Variants in HIVEP1 observed in about 807,000 individuals in gnomAD.
HIVEP1 encodes zinc finger protein 40.
In HIVEP1, 36 loss-of-function variants were observed where a neutral mutation model predicts 180.0. The observed-to-expected ratio is 0.20, with a 90% CI of 0.15 to 0.26. The LOEUF (loss-of-function observed/expected upper bound fraction) is 0.26, where lower values mean the gene tolerates loss of function less well. Ranked by LOEUF, HIVEP1 falls within the 10% of genes least tolerant of loss-of-function variation. The pLI is 1.00. For missense variants in HIVEP1, 3,143 were observed against 3,268.7 expected, an observed-to-expected ratio of 0.96 and a Z score of 0.94; for synonymous variants, 1,239 against 1,239.0, an observed-to-expected ratio of 1.00 and a Z score of 0.00.
At chr6:12,179,676 G>GAGTATCACTTACAAGTAAC in the HIVEP1 span, among the ~76,000 whole-genome samples, 1 of 152,284 alleles carries the variant, frequency 6.6e-6, no homozygotes, top group South Asian at 2.1e-4. Context: ...CCATGAAGGT[G>GAGTATCACTTACAAGTAAC]AGTATCACTT....
chr6:12,198,618 A>G, the HIVEP1 span, among the ~76,000 whole-genome samples: 1 of 152,212 alleles, frequency 6.6e-6, no homozygotes, highest in Non-Finnish European at 1.5e-5. Flanking sequence ...GACAGGTGCT[A>G]CAGGGGAAAA....
chr6:12,167,674 A>G (rs925063232), downstream of HIVEP1, among the ~76,000 whole-genome samples: 10 of 23,206 alleles, frequency 4.3e-4, no homozygotes, highest in Admixed American at 9.2e-4. Flanking sequence ...ACATATATAC[A>G]TATATGTGTA....
At chr6:12,145,015 A>G (rs908563855) in intron 7 of HIVEP1, among the ~76,000 whole-genome samples, 1 of 152,222 alleles carries the variant, frequency 6.6e-6, no homozygotes, top group Non-Finnish European at 1.5e-5. Context: ...CCATCCCATT[A>G]CTGGGTATAT....
chr6:12,011,319 C>T (rs1415880053), upstream of HIVEP1, among the ~76,000 whole-genome samples: 2 of 105,654 alleles, frequency 1.9e-5, no homozygotes, highest in Non-Finnish European at 3.5e-5. Context: ...GGGCGAGGGG[C>T]GGGGCCGGGA....
At chr6:12,208,352 C>T in the HIVEP1 span, among the ~76,000 whole-genome samples, 1 of 152,114 alleles carries the variant, frequency 6.6e-6, no homozygotes, top group African/African-American at 2.4e-5. Flanking sequence ...TTGATGACAG[C>T]AGTCAGGAAG....
Position 12,163,646 on chromosome 6 carries a change from G to A in HIVEP1, c.7342G>A (p.Val2448Met), listed in dbSNP as rs1226497820. Residue 2448 changes from valine (V) to methionine (M), a missense_variant, in exon 9 of 9, where the codon GTG becomes ATG. Transcript: ENST00000379388. ...TACTCATAGGAATACGGTCACAGAA[G>A]TGTCTGGCACTACAAACCCTGCTGG... The part of the protein sequence containing the change: ...LGTHRNTVTE[V>M]SGTTNPAGVA... The A allele has an allele frequency of 1.2e-6, 2 of 1,614,180 alleles. No homozygotes were observed. The highest frequency in any genetic ancestry group is 1.7e-6 in the Non-Finnish European group (2 of 1,180,034).
chr6:12,180,470 T>TA, the HIVEP1 span, among the ~76,000 whole-genome samples: 23 of 152,368 alleles, frequency 1.5e-4, no homozygotes, highest in South Asian at 4.8e-3. Context: ...AATGTATCTG[T>TA]TTATACTAAG....
the HIVEP1 span, among the ~76,000 whole-genome samples, chr6:12,184,059 A>T: frequency 0.075 from 11,193 of 149,298 alleles, 1,444 homozygotes; most frequent in African/African-American, 0.26. Flanking sequence ...ACAGACAGAC[A>T]GACTGATTTG....
chr6:12,071,527 T>C (rs1376794993), intron 2 of HIVEP1, among the ~76,000 whole-genome samples: 12 of 152,230 alleles, frequency 7.9e-5, no homozygotes, highest in Admixed American at 7.2e-4. Flanking sequence ...CCTCACAGTT[T>C]GCCAGTATTC....
At chr6:12,025,184 G>A (rs759246038) in intron 2 of HIVEP1, among the ~76,000 whole-genome samples, 1 of 152,152 alleles carries the variant, frequency 6.6e-6, no homozygotes, top group East Asian at 1.9e-4. Flanking sequence ...GCTTATACTT[G>A]CTGATGTTGA....
chr6:12,163,745 A>C lies in HIVEP1; in HGVS notation c.7441A>C (p.Ser2481Arg). The C allele has an allele frequency of 6.2e-7, 1 of 1,614,098 alleles. No homozygotes were observed. Among genetic ancestry groups the C allele is most frequent in the Non-Finnish European group, 8.5e-7 (1 of 1,180,012 alleles). Residue 2481 changes from serine (S) to arginine (R), a missense_variant, in exon 9 of 9, where the codon AGT (serine) becomes CGT (arginine). Coordinates refer to ENST00000379388, the MANE Select transcript of HIVEP1 (RefSeq NM_002114.4). The stretch of plus-strand genomic sequence containing the variant: ...CCGCGTGCCAGGCCTTCAGAACCTA[A>C]GTACCCCAGGCTTGCAGTCACTCCC... ...QIRVPGLQNL[S>R]TPGLQSLPSL...
chr6:12,030,805 T>C (rs974810481), intron 2 of HIVEP1, among the ~76,000 whole-genome samples: 7 of 152,254 alleles, frequency 4.6e-5, no homozygotes, highest in Admixed American at 4.6e-4. Context: ...ACTCAATTTT[T>C]CCCCTGAGTA....
At chr6:12,161,412 C>A in intron 7 of HIVEP1, 27 bp from the exon 8 acceptor site, 3 of 1,590,572 alleles carry the variant, frequency 1.9e-6, no homozygotes, top group South Asian at 2.3e-5. Context: ...AGCATTCCAT[C>A]ACATACCTCT....
chr6:12,049,039 A>G (rs1215402482), intron 2 of HIVEP1, among the ~76,000 whole-genome samples: 1 of 152,162 alleles, frequency 6.6e-6, no homozygotes, highest in Non-Finnish European at 1.5e-5. Context: ...GCTTACCCAA[A>G]GGAAAATAAA....
rs750952296 is a variant in HIVEP1 at position 12,120,621 on chromosome 6, G to A, written c.826G>A (p.Ala276Thr). The A allele has an allele frequency of 8.1e-6, 13 of 1,614,024 alleles. 1 individual carries two copies. Among genetic ancestry groups the A allele is most frequent in the South Asian group, 4.4e-5 (4 of 91,086 alleles). ...MSAAQKNEQG[A>T]MQSASHLYHQ... The stretch of plus-strand genomic sequence containing the variant: ...TGCTGCTCAGAAGAATGAGCAAGGG[G>A]CAATGCAGTCAGCTTCTCATTTGTA... The change falls in exon 4 of 9, where the codon GCA becomes ACA. Residue 276 changes from alanine (A) to threonine (T), a missense_variant. Coordinates refer to ENST00000379388, the MANE Select transcript of HIVEP1 (RefSeq NM_002114.4).
chr6:12,026,964 C>G (rs1277099275), intron 2 of HIVEP1, among the ~76,000 whole-genome samples: 1 of 152,142 alleles, frequency 6.6e-6, no homozygotes, highest in Non-Finnish European at 1.5e-5. Context: ...TTCTAGGGAT[C>G]AGTAAATCCT....
At chr6:12,071,043 TCAGTCTATAGTGTTCTGTTC>T (rs1771934492) in intron 2 of HIVEP1, among the ~76,000 whole-genome samples, 1 of 152,236 alleles carries the variant, frequency 6.6e-6, no homozygotes, top group African/African-American at 2.4e-5. Flanking sequence ...CCTGACTTCA[TCAGTCTATAGTGTTCTGTTC>T]CAGCATTCTT....
At chr6:12,103,748 C>A (rs543179210) in intron 3 of HIVEP1, among the ~76,000 whole-genome samples, 3 of 151,788 alleles carry the variant, frequency 2.0e-5, no homozygotes, top group Non-Finnish European at 4.4e-5. Flanking sequence ...AAAGTTTTTG[C>A]TTTCTTGGGC....
In HIVEP1 at chr6:12,112,432, A is replaced by T. The variant is rs568139808; in HGVS notation, c.95-7458A>T. ...CTTTATGCTTATTCTTTCGTATCAT[A>T]TTCTTAATCATCCTAGTTATGGGTT... On this transcript the variant is annotated intron_variant, in intron 3 of 8. Coordinates refer to ENST00000379388, the MANE Select transcript of HIVEP1 (RefSeq NM_002114.4). Among the ~76,000 whole-genome samples, 14 of 151,496 alleles carry T rather than the reference A, an allele frequency of 9.2e-5. No individual in the cohort carries two copies. The South Asian group carries it at 2.9e-3, about 32-fold the overall frequency.
Sources: allele counts gnomAD v4.1 joint callset (sites outside exome capture counted in the v4.1 genomes callset), GRCh38; gene constraint gnomAD v4.1.1; transcripts MANE v1.5; gene names NCBI Gene and HGNC (gene_info 2026-07-23, HGNC 2026-07-21).